The following CCDC88C variants were observed in gnomAD, a reference collection of about 807,000 sequenced individuals.
The protein encoded by CCDC88C is coiled-coil and HOOK domain protein 88C, also known as protein Daple.
CCDC88C carries 131 observed loss-of-function variants against 198.8 expected under a neutral mutation model. That is an observed-to-expected ratio of 0.66 (90% confidence interval 0.57 to 0.76). CCDC88C has a LOEUF of 0.76. Ranked by LOEUF, CCDC88C falls within the 30% of genes least tolerant of loss-of-function variation. The pLI is 0.00. For missense variants in CCDC88C, 2,553 were observed against 2,631.6 expected (o/e 0.97, Z 0.65); for synonymous variants, 1,166 against 1,114.7 (o/e 1.05, Z -0.92).
intron 3 of CCDC88C, among the ~76,000 whole-genome samples, chr14:91,391,691 A>G (rs1206776570): frequency 6.6e-6 from 1 of 152,144 alleles, no homozygotes; most frequent in East Asian, 1.9e-4. Flanking sequence ...AGGCAGGAGA[A>G]TCGCTTGATC....
intron 4 of CCDC88C, among the ~76,000 whole-genome samples, chr14:91,354,932 A>G (rs1596105673): frequency 6.6e-6 from 1 of 152,356 alleles, no homozygotes; most frequent in South Asian, 2.1e-4. Context: ...AGCAGAACAA[A>G]GAAGACAGGG....
At chr14:91,415,920 G>A (rs562215633) in intron 2 of CCDC88C, among the ~76,000 whole-genome samples, 3 of 152,050 alleles carry the variant, frequency 2.0e-5, no homozygotes, top group African/African-American at 7.3e-5. Context: ...GAATAGGTGC[G>A]CACACGAGGC....
intron 1 of CCDC88C, chr14:91,417,160 C>A (rs1228500002): frequency 1.1e-5 from 8 of 703,144 alleles, no homozygotes. Context: ...AGTGCGCCCA[C>A]CCCAGTCTGT....
intron 3 of CCDC88C, among the ~76,000 whole-genome samples, chr14:91,384,042 T>C (rs952742613): frequency 6.6e-6 from 1 of 152,186 alleles, no homozygotes; most frequent in African/African-American, 2.4e-5. Flanking sequence ...AAGATGTTCC[T>C]AGGGCACCAC....
chr14:91,279,095 T>TC (rs1420675099), intron 28 of CCDC88C, 143 bp downstream of exon 28: 2 of 678,510 alleles, frequency 2.9e-6, no homozygotes, highest in African/African-American at 3.6e-5. Flanking sequence ...AGATGGGGTT[T>TC]CGCCATGTTT....
intron 21 of CCDC88C, 122 bp from the exon 22 acceptor site, chr14:91,297,613 AC>A: frequency 1.0e-6 from 1 of 970,758 alleles, no homozygotes; most frequent in Non-Finnish European, 1.5e-6. Flanking sequence ...AGACAAAATC[AC>A]AACCTCTCTG....
intron 2 of CCDC88C, among the ~76,000 whole-genome samples, chr14:91,412,585 C>T (rs1886846388): frequency 6.6e-6 from 1 of 152,262 alleles, no homozygotes; most frequent in South Asian, 2.1e-4. Flanking sequence ...CAGGCGCCCG[C>T]CACCACGCCT....
intron 10 of CCDC88C, among the ~76,000 whole-genome samples, 193 bp downstream of exon 10, chr14:91,337,812 C>T (rs1893114753): frequency 6.6e-6 from 1 of 152,234 alleles, no homozygotes; most frequent in East Asian, 1.9e-4. Context: ...CTTACCCTCC[C>T]CTGCTGACTG....
At chr14:91,280,329 G>A (rs1192672740) in intron 27 of CCDC88C, among the ~76,000 whole-genome samples, 1 of 152,194 alleles carries the variant, frequency 6.6e-6, no homozygotes, top group Non-Finnish European at 1.5e-5. Context: ...GGTTCCAAGG[G>A]CTGAGGTGCT....
chr14:91,272,546 A>G lies in CCDC88C; in HGVS notation c.*79T>C. 3.5e-6 allele frequency: 5 copies of G among 1,433,834 alleles called. No individual in the cohort carries two copies. Among genetic ancestry groups the G allele is most frequent in the Non-Finnish European group, 4.7e-6 (5 of 1,058,392 alleles). The allele number at this position is 1,433,834 out of a possible 1,614,324, so 88.8% of individuals were successfully genotyped here. ...ATTCCAAACCCTCTCCTGGCACCGC[A>G]GGCAAGCAAGAGAAAAGGCCGTGAG... On this transcript the variant is annotated 3_prime_UTR_variant, in exon 30 of 30. Transcript: ENST00000389857.
At chr14:91,308,603 G>C in intron 16 of CCDC88C, 111 bp from the exon 17 acceptor site, 1 of 1,160,734 alleles carries the variant, frequency 8.6e-7, no homozygotes, top group Admixed American at 1.9e-5. Flanking sequence ...TTACGGAGCT[G>C]CTGCAGCTTT....
chr14:91,278,148 C>T lies in CCDC88C; in HGVS notation c.4832G>A (p.Arg1611Lys), dbSNP rs772460531. The change falls in exon 29 of 30, where the codon AGG becomes AAG. Residue 1611 changes from arginine to lysine, a missense_variant. Transcript: ENST00000389857. Reference sequence around the variant, plus strand: ...TTCCCGGGGCAAAGTGGCCAGGTCCCTGCTGGGGATCAGGTCTTCGCTGCT... The same window carrying T: ...TTCCCGGGGCAAAGTGGCCAGGTCCTTGCTGGGGATCAGGTCTTCGCTGCT... ...SFSSEDLIPS[R>K]DLATLPREAS... 2 of 1,613,232 alleles carry T rather than the reference C, an allele frequency of 1.2e-6. No homozygotes were observed. Among genetic ancestry groups the T allele is most frequent in the Non-Finnish European group, 1.7e-6 (2 of 1,179,736 alleles).
Position 91,389,022 on chromosome 14 carries a change from C to T in CCDC88C, c.270+19637G>A, listed in dbSNP as rs142674518. 5.3e-5 allele frequency among the ~76,000 whole-genome samples: 8 copies of T among 152,308 alleles called. No individual in the cohort carries two copies. In the East Asian group the frequency reaches 1.4e-3, roughly 26 times the overall value. Reference sequence around the variant, plus strand: ...TAAAGCACCGAGGGTCCTGATTCTGCTCAGCCTGTCAGAATATTAGTCTGC... The same window carrying T: ...TAAAGCACCGAGGGTCCTGATTCTGTTCAGCCTGTCAGAATATTAGTCTGC... On this transcript the variant is annotated intron_variant, in intron 3 of 29. Coordinates refer to ENST00000389857, the MANE Select transcript of CCDC88C (RefSeq NM_001080414.4).
chr14:91,337,399 A>G (rs77993350), intron 10 of CCDC88C, among the ~76,000 whole-genome samples: 9,981 of 152,294 alleles, frequency 0.066, 367 homozygotes, highest in South Asian at 0.093. Flanking sequence ...CAGCAGTGCA[A>G]TCATAGCTCA....
At chr14:91,328,353 T>A (rs1004504905) in intron 10 of CCDC88C, among the ~76,000 whole-genome samples, 7 of 152,184 alleles carry the variant, frequency 4.6e-5, no homozygotes, top group Admixed American at 4.6e-4. Flanking sequence ...ATCCAGAAGC[T>A]GTGTCCAAGC....
At chr14:91,291,653 C>G (rs144909668) in intron 23 of CCDC88C, among the ~76,000 whole-genome samples, 2,372 of 152,234 alleles carry the variant, frequency 0.016, 35 homozygotes, top group Middle Eastern at 0.024. Flanking sequence ...TGCAGTGAGC[C>G]CCTGTGCTGC....
At chr14:91,306,889 A>G (rs966277870) in intron 18 of CCDC88C, 149 bp downstream of exon 18, 3 of 812,752 alleles carry the variant, frequency 3.7e-6, no homozygotes, top group Non-Finnish European at 1.9e-6. Context: ...AGAGGGGCCC[A>G]CAGGACCTGC....
At chr14:91,377,766 C>T (rs904575733) in intron 3 of CCDC88C, among the ~76,000 whole-genome samples, 2 of 152,200 alleles carry the variant, frequency 1.3e-5, no homozygotes, top group Non-Finnish European at 2.9e-5. Context: ...GCTATACGAG[C>T]CCCCCAGTGC....
intron 23 of CCDC88C, 58 bp downstream of exon 23, chr14:91,294,115 C>G (rs1271370602): frequency 1.3e-6 from 2 of 1,600,006 alleles, no homozygotes; most frequent in Admixed American, 3.3e-5. Flanking sequence ...CCTCCAGAGA[C>G]TGAGGATGTG....
Sources: gnomAD v4.1 joint callset for allele counts (sites outside exome capture counted in the v4.1 genomes callset) on GRCh38, gnomAD v4.1.1 for gene constraint, MANE v1.5 for transcripts, NCBI Gene and HGNC (gene_info 2026-07-23, HGNC 2026-07-21) for gene names.